VRK2: variants seen among roughly 807,000 people sequenced by gnomAD.
VRK2 encodes serine/threonine-protein kinase VRK2.
In VRK2, 60 loss-of-function variants were observed where a neutral mutation model predicts 57.6. That is an observed-to-expected ratio of 1.04 (90% CI 0.85 to 1.29). The LOEUF is 1.29. Among genes scored for constraint, VRK2 ranks in the 50% most tolerant of loss-of-function variants. VRK2 has a pLI of 0.00. For missense variants in VRK2, 705 were observed against 588.1 expected (o/e 1.20, Z -2.06); for synonymous variants, 231 against 199.2 (o/e 1.16, Z -1.35).
At position 58,058,251 on chromosome 2, in the gene VRK2, A is replaced by C. The variant is rs192049611; in HGVS notation, c.136+9284A>C. ...CAGCTGGAATTACTTTAAAAGTGTC[A>C]TTCTATTTAACTTTTGGGAATGATG... On this transcript the variant is annotated intron_variant, in intron 2 of 12. Coordinates refer to ENST00000340157, the MANE Select transcript of VRK2 (RefSeq NM_006296.7). 7 of 434,072 alleles carry C rather than the reference A, an allele frequency of 1.6e-5. No homozygotes were observed. The East Asian group carries it at 4.3e-4, about 27-fold the overall frequency. The allele number at this position is 434,072 out of a possible 1,614,324, so 26.9% of individuals were successfully genotyped here.
At chr2:57,969,478 T>G (rs1181066070) in intron 1 of VRK2, among the ~76,000 whole-genome samples, 1 of 151,974 alleles carries the variant, frequency 6.6e-6, no homozygotes, top group African/African-American at 2.4e-5. Context: ...TTTAGAAGAA[T>G]AATAAAATTA....
At chr2:57,987,436 A>G (rs148739755) in intron 1 of VRK2, among the ~76,000 whole-genome samples, 1 of 152,312 alleles carries the variant, frequency 6.6e-6, no homozygotes, top group African/African-American at 2.4e-5. Flanking sequence ...GGGAAAGGTA[A>G]ATTAAAATTA....
intron 12 of VRK2, 138 bp from the exon 13 acceptor site, chr2:58,159,211 A>T (rs1684625873): frequency 1.3e-5 from 8 of 623,164 alleles, no homozygotes; most frequent in Non-Finnish European, 8.0e-6. Flanking sequence ...TTACCTAAAA[A>T]TTACTTCTCA....
intron 8 of VRK2, among the ~76,000 whole-genome samples, chr2:58,125,915 CA>C (rs1678273537): frequency 6.6e-6 from 1 of 151,860 alleles, no homozygotes; most frequent in Admixed American, 6.6e-5. Context: ...TTTTCCAAAG[CA>C]AAACATTTCA....
At chr2:57,931,535 C>T (rs897789534) in intron 1 of VRK2, among the ~76,000 whole-genome samples, 2 of 152,106 alleles carry the variant, frequency 1.3e-5, no homozygotes, top group African/African-American at 2.4e-5. Flanking sequence ...ATCAGGTATA[C>T]GGTTTGCAAA....
chr2:58,048,705 G>T, intron 1 of VRK2, 122 bp from the exon 2 acceptor site: 2 of 1,498,876 alleles, frequency 1.3e-6, no homozygotes, highest in African/African-American at 2.8e-5. Context: ...ATTAACTTTA[G>T]AATCCTAATT....
chr2:58,094,688 A>G (rs545951575), intron 7 of VRK2, among the ~76,000 whole-genome samples: 1 of 152,128 alleles, frequency 6.6e-6, no homozygotes, highest in African/African-American at 2.4e-5. Context: ...ACAGTTTATT[A>G]TAAGTGGTTT....
At chr2:57,950,441 C>G (rs560299613) in intron 1 of VRK2, among the ~76,000 whole-genome samples, 2 of 152,286 alleles carry the variant, frequency 1.3e-5, no homozygotes, top group Admixed American at 6.5e-5. Context: ...GAACAACAGT[C>G]TGGATGTCAG....
chr2:58,153,537 T>C (rs1276576765), intron 12 of VRK2, among the ~76,000 whole-genome samples: 1 of 152,092 alleles, frequency 6.6e-6, no homozygotes, highest in Non-Finnish European at 1.5e-5. Context: ...GAATATTAAA[T>C]TAGTCTTCCA....
upstream of VRK2, chr2:58,046,687 C>T (rs1047454588): frequency 8.1e-6 from 8 of 985,456 alleles, no homozygotes; most frequent in African/African-American, 1.4e-4. Context: ...GTGTGAGGCT[C>T]CGCGGGCCGC....
chr2:58,029,642 T>A (rs1674052074), intron 2 of VRK2, among the ~76,000 whole-genome samples: 1 of 152,138 alleles, frequency 6.6e-6, no homozygotes, highest in Non-Finnish European at 1.5e-5. Context: ...ATTGCTACAT[T>A]GAGGCAGACA....
chr2:58,098,957 C>T (rs1673557322), intron 7 of VRK2, among the ~76,000 whole-genome samples: 1 of 151,918 alleles, frequency 6.6e-6, no homozygotes, highest in Non-Finnish European at 1.5e-5. Flanking sequence ...ACCACCTAAC[C>T]TAAATTTTTA....
chr2:57,956,759 A>C (rs114235968), intron 1 of VRK2, among the ~76,000 whole-genome samples: 11 of 152,168 alleles, frequency 7.2e-5, no homozygotes, highest in African/African-American at 2.4e-4. Flanking sequence ...TTCAATAAGA[A>C]TATTCTTGAT....
At chr2:58,032,732 G>A (rs7600213) in intron 2 of VRK2, among the ~76,000 whole-genome samples, 9,798 of 152,182 alleles carry the variant, frequency 0.064, 1,064 homozygotes, top group African/African-American at 0.22. Context: ...AGCATCTCAT[G>A]TGACATCACA....
Position 58,048,861 on chromosome 2 carries a change from A to T in VRK2, c.30A>T (p.Lys10Asn). MPPKRNEKY[K>N]LPIPFPEGKV... Reference sequence around the variant, plus strand: ...CACCAAAAAGAAATGAAAAATACAAACTTCCTATTCCATTTCCAGAAGGCA... The same window carrying T: ...CACCAAAAAGAAATGAAAAATACAATCTTCCTATTCCATTTCCAGAAGGCA... The change falls in exon 2 of 13, where the codon AAA becomes AAT. Residue 10 changes from lysine to asparagine, a missense_variant. Lys to Asn is a moderately conservative substitution (Grantham distance 94). Transcript: ENST00000340157. The T allele has an allele frequency of 1.9e-6, 3 of 1,613,898 alleles. No homozygotes were observed. The highest frequency in any genetic ancestry group is 2.5e-6 in the Non-Finnish European group (3 of 1,179,898).
At chr2:58,122,939 T>G (rs1296407018) in intron 7 of VRK2, among the ~76,000 whole-genome samples, 162 bp from the exon 8 acceptor site, 1 of 152,220 alleles carries the variant, frequency 6.6e-6, no homozygotes, top group Non-Finnish European at 1.5e-5. Flanking sequence ...AGTTAGTTGT[T>G]ATGGCCCCCA....
chr2:58,115,502 C>T (rs552711393), intron 7 of VRK2, among the ~76,000 whole-genome samples: 114 of 152,204 alleles, frequency 7.5e-4, no homozygotes, highest in African/African-American at 2.6e-3. Context: ...CAGCGGCAGC[C>T]GCTGCATGCA....
chr2:57,984,242 ACAAT>A (rs1372991192), intron 1 of VRK2, among the ~76,000 whole-genome samples: 1 of 152,140 alleles, frequency 6.6e-6, no homozygotes, highest in Non-Finnish European at 1.5e-5. Context: ...TTTTAAAGTG[ACAAT>A]CAAGAACACC....
intron 1 of VRK2, among the ~76,000 whole-genome samples, chr2:57,964,992 A>G (rs1039854609): frequency 6.6e-6 from 1 of 152,102 alleles, no homozygotes; most frequent in African/African-American, 2.4e-5. Context: ...AAAAGCATTA[A>G]TCACATAGTA....
Sources: allele counts gnomAD v4.1 joint callset (sites outside exome capture counted in the v4.1 genomes callset), GRCh38; gene constraint gnomAD v4.1.1; transcripts MANE v1.5; gene names NCBI Gene and HGNC (gene_info 2026-07-23, HGNC 2026-07-21).